The following ARMC3 variants were observed in gnomAD, a reference collection of about 807,000 sequenced individuals.
The protein encoded by ARMC3 is armadillo repeat-containing protein 3.
A neutral mutation model predicts 90.3 loss-of-function variants in ARMC3; 74 were observed. The observed-to-expected ratio is 0.82, with a 90% confidence interval of 0.68 to 0.99. The LOEUF (loss-of-function observed/expected upper bound fraction) is 0.99. Among genes scored for constraint, ARMC3 ranks in the 50% least tolerant of loss-of-function variants. ARMC3 has a pLI of 0.00. For synonymous variants in ARMC3, 334 were observed against 361.8 expected, an observed-to-expected ratio of 0.92 and a Z score of 0.87; for missense variants, 958 against 1,042.8, an observed-to-expected ratio of 0.92 and a Z score of 1.12.
chr10:22,977,997 A>C (rs79456092), intron 8 of ARMC3, among the ~76,000 whole-genome samples: 5 of 152,302 alleles, frequency 3.3e-5, no homozygotes, highest in African/African-American at 9.6e-5. Flanking sequence ...TTAGGGCAGA[A>C]CCAACATCTT....
chr10:22,988,610 G>A (rs1027933347), intron 10 of ARMC3, among the ~76,000 whole-genome samples: 1 of 152,130 alleles, frequency 6.6e-6, no homozygotes, highest in African/African-American at 2.4e-5. Flanking sequence ...AAGGCTGAGT[G>A]CAGTGAATGA....
chr10:22,980,501 G>A (rs1481610227), intron 8 of ARMC3, among the ~76,000 whole-genome samples: 2 of 151,744 alleles, frequency 1.3e-5, no homozygotes, highest in South Asian at 2.1e-4. Flanking sequence ...TTTAGAATTA[G>A]CTAGAACATA....
rs548035337 is a variant in ARMC3 at position 22,956,594 on chromosome 10, C to T, written c.292+662C>T. 5.2e-3 allele frequency among the ~76,000 whole-genome samples: 796 copies of T among 151,772 alleles called. 5 individuals are homozygous for T. The highest frequency in any genetic ancestry group is 7.5e-3 in the Non-Finnish European group (511 of 67,932). The stretch of plus-strand genomic sequence containing the variant: ...CTCCAGCCTGGGTGACAGAGTGAGA[C>T]TGTCTCAAAAGAATAAATTTTAGAA... On this transcript the variant is annotated intron_variant, in intron 4 of 18. Transcript: ENST00000298032.
chr10:22,959,456 A>G lies in ARMC3; in HGVS notation c.419A>G (p.Tyr140Cys). ...SLCLANMSAE[Y>C]TSKVQIFEHG... ...TGTCTAGCAAACATGTCTGCAGAGT[A>G]CACCAGTAAAGTGCAAATATTTGAA... The change falls in exon 6 of 19, where the codon TAC becomes TGC. Residue 140 changes from tyrosine to cysteine, a missense_variant. Tyr to Cys is a radical substitution (Grantham distance 194). Transcript: ENST00000298032. The G allele has an allele frequency of 6.2e-7, 1 of 1,613,890 alleles. No homozygotes were observed. Among genetic ancestry groups the G allele is most frequent in the Non-Finnish European group, 8.5e-7 (1 of 1,179,914 alleles).
chr10:23,020,379 C>T (rs1180423508), intron 16 of ARMC3, among the ~76,000 whole-genome samples: 1 of 152,218 alleles, frequency 6.6e-6, no homozygotes, highest in African/African-American at 2.4e-5. Flanking sequence ...AAGTGATCCA[C>T]TCGCCTTGGA....
intron 1 of ARMC3, among the ~76,000 whole-genome samples, chr10:22,931,066 T>G (rs1833908932): frequency 6.6e-6 from 1 of 152,172 alleles, no homozygotes; most frequent in Admixed American, 6.5e-5. Context: ...TAGCTGGGAC[T>G]ACAAGGCACG....
intron 2 of ARMC3, among the ~76,000 whole-genome samples, chr10:22,941,980 A>G (rs1217130647): frequency 6.6e-6 from 1 of 152,230 alleles, no homozygotes; most frequent in African/African-American, 2.4e-5. Flanking sequence ...ACACTTGGGT[A>G]TAAATGCAAA....
intron 16 of ARMC3, among the ~76,000 whole-genome samples, chr10:23,011,371 C>A (rs1420740662): frequency 6.6e-6 from 1 of 152,152 alleles, no homozygotes; most frequent in African/African-American, 2.4e-5. Flanking sequence ...AAAAATAGAA[C>A]CATTTTCATA....
chr10:22,959,351 G>A (rs1835094025), intron 5 of ARMC3, 48 bp from the exon 6 acceptor site: 1 of 1,526,356 alleles, frequency 6.6e-7, no homozygotes, highest in Non-Finnish European at 8.9e-7. Flanking sequence ...AGTAGTGGCT[G>A]AATAATAAGC....
chr10:22,929,980 G>A (rs1222843110), intron 1 of ARMC3, among the ~76,000 whole-genome samples: 1 of 152,146 alleles, frequency 6.6e-6, no homozygotes. Context: ...CCTGAAGTAG[G>A]AAAAATTAGT....
intron 16 of ARMC3, chr10:23,014,149 G>A (rs1389421814): frequency 6.5e-7 from 1 of 1,539,230 alleles, no homozygotes; most frequent in Non-Finnish European, 8.7e-7. Context: ...GGATTTAAGA[G>A]GATTGTTGGC....
intron 8 of ARMC3, among the ~76,000 whole-genome samples, chr10:22,973,753 CTTTTTTTT>C (rs56405413): frequency 1.9e-4 from 15 of 79,926 alleles, no homozygotes; most frequent in Non-Finnish European, 2.8e-4. Flanking sequence ...CTTTGTCTTT[CTTTTTTTT>C]TTTTTTTTTT....
chr10:22,930,990 C>G (rs368867517), intron 1 of ARMC3, among the ~76,000 whole-genome samples: 6 of 151,790 alleles, frequency 4.0e-5, no homozygotes, highest in African/African-American at 1.5e-4. Flanking sequence ...TGCAGTGGTG[C>G]GATCTCGGCT....
At chr10:22,959,009 C>T in intron 4 of ARMC3, 61 bp from the exon 5 acceptor site, 1 of 1,367,080 alleles carries the variant, frequency 7.3e-7, no homozygotes. Flanking sequence ...AGGCATGAGC[C>T]ACCACACCCG....
intron 3 of ARMC3, 105 bp from the exon 4 acceptor site, chr10:22,955,702 T>C (rs1367041473): frequency 1.5e-6 from 2 of 1,377,076 alleles, no homozygotes; most frequent in African/African-American, 2.9e-5. Context: ...AAGCCAAGAG[T>C]AATGTGAAAG....
intron 8 of ARMC3, 137 bp from the exon 9 acceptor site, chr10:22,981,203 G>C: frequency 1.3e-6 from 1 of 754,238 alleles, no homozygotes; most frequent in South Asian, 2.0e-5. Flanking sequence ...AATAGTTGTA[G>C]ATTTTGTCTA....
intron 16 of ARMC3, among the ~76,000 whole-genome samples, chr10:23,015,087 A>G (rs1838216645): frequency 6.6e-6 from 1 of 152,136 alleles, no homozygotes; most frequent in African/African-American, 2.4e-5. Context: ...TTTGAAAGGG[A>G]GAGGAGAGAA....
chr10:22,949,974 A>C (rs2131204879), intron 3 of ARMC3, among the ~76,000 whole-genome samples: 1 of 152,272 alleles, frequency 6.6e-6, no homozygotes, highest in African/African-American at 2.4e-5. Flanking sequence ...AAGTCTGTAG[A>C]GCAACAATCT....
rs559431942 is a variant in ARMC3 at position 22,987,345 on chromosome 10, G to A, written c.1175+5645G>A. Among the ~76,000 whole-genome samples, 3 of 152,250 alleles carry A rather than the reference G, an allele frequency of 2.0e-5. No individual in the cohort carries two copies. The South Asian group carries it at 6.2e-4, about 32-fold the overall frequency. On this transcript the variant is annotated intron_variant, in intron 10 of 18. Coordinates refer to ENST00000298032, the MANE Select transcript of ARMC3 (RefSeq NM_173081.5). ...TAAACTATTACTTTATAACATCACT[G>A]CCATCTGTTGGATCTGATCAGAATT...
Sources: allele counts gnomAD v4.1 joint callset (sites outside exome capture counted in the v4.1 genomes callset), GRCh38; gene constraint gnomAD v4.1.1; transcripts MANE v1.5; gene names NCBI Gene and HGNC (gene_info 2026-07-23, HGNC 2026-07-21).